Variants in NCKAP1 observed in about 807,000 individuals in gnomAD.
The protein encoded by NCKAP1 is NCK associated protein 1, also known as nck-associated protein 1.
A neutral mutation model predicts 151.2 loss-of-function variants in NCKAP1; 21 were observed. The ratio of observed to expected loss-of-function variants is 0.14; its 90% CI spans 0.10 to 0.20. The LOEUF is 0.20. Ranked by LOEUF, NCKAP1 falls within the 10% of genes least tolerant of loss-of-function variation. The probability of loss-of-function intolerance (pLI) is 1.00; values close to 1 mark genes in which losing one functional copy is unlikely to be tolerated. For synonymous variants in NCKAP1, 484 were observed against 451.8 expected (o/e 1.07, Z -0.90); for missense variants, 933 against 1,352.1 (o/e 0.69, Z 4.86).
intron 1 of NCKAP1, among the ~76,000 whole-genome samples, chr2:183,036,718 TATC>T (rs1033813724): frequency 2.0e-5 from 3 of 151,520 alleles, no homozygotes; most frequent in African/African-American, 7.3e-5. Flanking sequence ...ATCCAAAATT[TATC>T]ATCATTAAAC....
chr2:182,923,016 G>A lies in NCKAP1; in HGVS notation c.*2686C>T, dbSNP rs1347311595. 6 of 152,118 alleles carry A rather than the reference G, an allele frequency of 3.9e-5. No individual in the cohort carries two copies. The highest frequency in any genetic ancestry group is 6.6e-5 in the Admixed American group (1 of 15,260). 9.4% of individuals were successfully genotyped at this position (152,118 alleles called of 1,614,324 possible). A position where few individuals can be genotyped will look rare whatever the true frequency, so the allele number is the denominator to read the frequency against. ...CAACAAGAGTGAAACTCCGTCTCAAGAAGCTGGTTTGTTTATTGTATACCA... is the reference window on the plus strand; with the variant it reads ...CAACAAGAGTGAAACTCCGTCTCAAAAAGCTGGTTTGTTTATTGTATACCA... On this transcript the variant is annotated 3_prime_UTR_variant, in exon 31 of 31. Transcript: ENST00000361354.
intron 1 of NCKAP1, among the ~76,000 whole-genome samples, chr2:183,035,879 G>A (rs1201250691): frequency 4.6e-5 from 7 of 151,684 alleles, no homozygotes. Flanking sequence ...AAGGCCTCGA[G>A]TATCAGATAA....
intron 2 of NCKAP1, among the ~76,000 whole-genome samples, chr2:183,004,628 A>C (rs1032818454): frequency 1.3e-5 from 2 of 152,266 alleles, no homozygotes; most frequent in South Asian, 2.1e-4. Context: ...TCAAGCCTGT[A>C]ATCCCAGCAC....
At position 182,961,059 on chromosome 2, in the gene NCKAP1, G is replaced by A. The variant is rs895149047; in HGVS notation, c.1881+1100C>T. Among the ~76,000 whole-genome samples the A allele has an allele frequency of 4.1e-4, 63 of 152,130 alleles. 2 individuals are homozygous for A. Among genetic ancestry groups the A allele is most frequent in the Non-Finnish European group, 1.5e-4 (10 of 68,020 alleles). ...ACCATCTTACACCAGTTAGAATGGC[G>A]ATCATTAAAAAGTCAGAAAGCAACA... On this transcript the variant is annotated intron_variant, in intron 18 of 30. Coordinates refer to ENST00000361354, the MANE Select transcript of NCKAP1 (RefSeq NM_013436.5).
chr2:182,929,762 G>GAA lies in NCKAP1; in HGVS notation c.2954-865_2954-864dup, dbSNP rs57842206. Among the ~76,000 whole-genome samples the GAA allele has an allele frequency of 2.3e-4, 30 of 132,102 alleles. No individual in the cohort carries two copies. In the East Asian group the frequency reaches 3.0e-3, roughly 13 times the overall value. The allele number at this position is 132,102 out of a possible 152,430, so 86.7% of individuals were successfully genotyped here. A position where few individuals can be genotyped will look rare whatever the true frequency, so the allele number is the denominator to read the frequency against. On this transcript the variant is annotated intron_variant, in intron 27 of 30. Coordinates refer to ENST00000361354, the MANE Select transcript of NCKAP1 (RefSeq NM_013436.5). ...AGGAAACAAAATTGCATTGTTAAAT[G>GAA]AAAAAAAAAAAAAAACTGATGAACT...
Position 182,920,764 on chromosome 2 carries a change from T to G in NCKAP1, c.*4938A>C, listed in dbSNP as rs1696538734. The G allele has an allele frequency of 6.6e-6, 1 of 152,168 alleles. No homozygotes were observed. Among genetic ancestry groups the G allele is most frequent in the Non-Finnish European group, 1.5e-5 (1 of 68,040 alleles). 9.4% of individuals were successfully genotyped at this position (152,168 alleles called of 1,614,324 possible). ...ATCACCTCCCAAAGGCCCCACATCC[T>G]GTCACACTGATGATCAGATTTCAAC... On this transcript the variant is annotated 3_prime_UTR_variant, in exon 31 of 31. Coordinates refer to ENST00000361354, the MANE Select transcript of NCKAP1 (RefSeq NM_013436.5).
At chr2:183,035,538 G>T (rs1699085586) in intron 1 of NCKAP1, among the ~76,000 whole-genome samples, 1 of 151,548 alleles carries the variant, frequency 6.6e-6, no homozygotes, top group South Asian at 2.1e-4. Flanking sequence ...TTTTTTTTAA[G>T]ACTAGAAGAG....
intron 16 of NCKAP1, among the ~76,000 whole-genome samples, chr2:182,965,502 A>C (rs1697551711): frequency 6.6e-6 from 1 of 152,002 alleles, no homozygotes; most frequent in Admixed American, 6.6e-5. Context: ...CAGCAGTTTT[A>C]ATTTGCATCC....
intron 9 of NCKAP1, among the ~76,000 whole-genome samples, 198 bp from the exon 10 acceptor site, chr2:182,986,425 G>T (rs906906809): frequency 4.6e-5 from 7 of 151,250 alleles, no homozygotes; most frequent in African/African-American, 1.7e-4. Flanking sequence ...AAAAAAAAAA[G>T]TAACATTATA....
chr2:182,931,201 G>GT (rs1303339967), intron 26 of NCKAP1, among the ~76,000 whole-genome samples: 2 of 151,952 alleles, frequency 1.3e-5, no homozygotes, highest in Admixed American at 6.6e-5. Context: ...TAATCATATC[G>GT]TATCTATAAA....
chr2:182,951,732 T>C (rs760469469), intron 23 of NCKAP1, among the ~76,000 whole-genome samples: 20 of 151,634 alleles, frequency 1.3e-4, no homozygotes, highest in Middle Eastern at 3.4e-3. Context: ...TTTTAAAACA[T>C]GATTTCTCTA....
rs926435704 is a variant in NCKAP1 at position 182,923,825 on chromosome 2, C to T, written c.*1877G>A. 21 of 152,166 alleles carry T rather than the reference C, an allele frequency of 1.4e-4. No individual in the cohort carries two copies. Among genetic ancestry groups the T allele is most frequent in the East Asian group, 1.9e-4 (1 of 5,196 alleles). 9.4% of individuals were successfully genotyped at this position (152,166 alleles called of 1,614,324 possible). On this transcript the variant is annotated 3_prime_UTR_variant, in exon 31 of 31. Coordinates refer to ENST00000361354, the MANE Select transcript of NCKAP1 (RefSeq NM_013436.5). ...CCAAGTTACCTTTGCCACGCCTCCT[C>T]CCCCGCCTTTGCTGTATGAGAAAAA...
intron 6 of NCKAP1, among the ~76,000 whole-genome samples, chr2:183,001,121 A>G (rs997428170): frequency 6.6e-6 from 1 of 152,196 alleles, no homozygotes; most frequent in Non-Finnish European, 1.5e-5. Flanking sequence ...AGACTTACAC[A>G]AGGTAAATAG....
rs1329320371 is a variant in NCKAP1, at chr2:182,913,518, A to AT, written c.*12183_*12184insA. 1 of 153,398 alleles carries AT rather than the reference A, an allele frequency of 6.5e-6. No individual in the cohort carries two copies. The highest frequency in any genetic ancestry group is 1.5e-5 in the Non-Finnish European group (1 of 68,446). The allele number at this position is 153,398 out of a possible 1,614,324, so 9.5% of individuals were successfully genotyped here. A position where few individuals can be genotyped will look rare whatever the true frequency, so the allele number is the denominator to read the frequency against. On this transcript the variant is annotated 3_prime_UTR_variant, in exon 31 of 31. Transcript: ENST00000361354. ...CCCACACCATGTGATGCTCTGTGTTACCTCAGGACTCTACAGAGACCCCAC... is the reference window on the plus strand; with the variant it reads ...CCCACACCATGTGATGCTCTGTGTTATCCTCAGGACTCTACAGAGACCCCAC...
chr2:182,977,080 G>A, intron 14 of NCKAP1, 129 bp from the exon 15 acceptor site: 1 of 515,660 alleles, frequency 1.9e-6, no homozygotes, highest in Non-Finnish European at 3.3e-6. Flanking sequence ...TAAAGCCAAG[G>A]TCTTAAAGAG....
intron 2 of NCKAP1, among the ~76,000 whole-genome samples, chr2:183,003,580 A>C (rs925190320): frequency 6.6e-6 from 1 of 152,074 alleles, no homozygotes; most frequent in African/African-American, 2.4e-5. Flanking sequence ...AAAATCTGAA[A>C]GTGTTAGGAA....
chr2:182,936,408 G>A (rs1696876564), intron 24 of NCKAP1, among the ~76,000 whole-genome samples: 1 of 152,070 alleles, frequency 6.6e-6, no homozygotes, highest in South Asian at 2.1e-4. Context: ...ACAGAATAAT[G>A]ACCTAGACCT....
At chr2:182,933,594 T>A (rs1333586720) in intron 26 of NCKAP1, among the ~76,000 whole-genome samples, 2 of 151,958 alleles carry the variant, frequency 1.3e-5, no homozygotes, top group Non-Finnish European at 2.9e-5. Context: ...GGTTTCTTCA[T>A]GTTGGTCGGG....
chr2:183,010,379 T>C (rs1698569545), intron 2 of NCKAP1, among the ~76,000 whole-genome samples: 1 of 152,234 alleles, frequency 6.6e-6, no homozygotes, highest in Admixed American at 6.5e-5. Flanking sequence ...GCATCCCTGC[T>C]GTTCCAGCTG....
Sources: allele counts gnomAD v4.1 joint callset (sites outside exome capture counted in the v4.1 genomes callset), GRCh38; gene constraint gnomAD v4.1.1; transcripts MANE v1.5; gene names NCBI Gene and HGNC (gene_info 2026-07-23, HGNC 2026-07-21).